The following PTPN13 variants were observed in gnomAD, a reference collection of about 807,000 sequenced individuals.
The protein encoded by PTPN13 is protein tyrosine phosphatase non-receptor type 13.
In PTPN13, 191 loss-of-function variants were observed where a neutral mutation model predicts 284.0. That is an observed-to-expected ratio of 0.67 (90% confidence interval 0.60 to 0.76). The LOEUF (loss-of-function observed/expected upper bound fraction) is 0.76. Ranked by LOEUF, PTPN13 falls within the 30% of genes least tolerant of loss-of-function variation. PTPN13 has a pLI of 0.00. For missense variants in PTPN13, 2,797 were observed against 2,939.9 expected (o/e 0.95, Z 1.12); for synonymous variants, 986 against 1,022.3 (o/e 0.96, Z 0.68).
At chr4:86,684,727 G>T (rs1729255643) in intron 3 of PTPN13, among the ~76,000 whole-genome samples, 1 of 152,096 alleles carries the variant, frequency 6.6e-6, no homozygotes, top group Non-Finnish European at 1.5e-5. Context: ...TGAAAAAATA[G>T]GAGCCGAGTA....
chr4:86,778,790 T>G (rs1380547809), intron 35 of PTPN13, among the ~76,000 whole-genome samples: 1 of 152,124 alleles, frequency 6.6e-6, no homozygotes, highest in Admixed American at 6.6e-5. Flanking sequence ...AATTTACAGA[T>G]TTTTTTAACG....
intron 1 of PTPN13, among the ~76,000 whole-genome samples, chr4:86,598,231 G>C (rs1258693218): frequency 1.3e-5 from 2 of 151,278 alleles, no homozygotes; most frequent in African/African-American, 2.4e-5. Flanking sequence ...CTCTGCCCCC[G>C]ATCCTGGGTT....
intron 3 of PTPN13, among the ~76,000 whole-genome samples, chr4:86,678,226 A>G (rs1490221763): frequency 1.3e-5 from 2 of 152,206 alleles, no homozygotes; most frequent in Non-Finnish European, 2.9e-5. Flanking sequence ...AGCTTTAAAA[A>G]TAATTTTGGA....
At chr4:86,761,095 C>T (rs1351174800) in intron 23 of PTPN13, among the ~76,000 whole-genome samples, 1 of 141,660 alleles carries the variant, frequency 7.1e-6, no homozygotes, top group African/African-American at 2.6e-5. Flanking sequence ...TACATGTAGC[C>T]TTCTGTGTAG....
chr4:86,673,997 G>A (rs1246990040), intron 3 of PTPN13, among the ~76,000 whole-genome samples: 9 of 152,142 alleles, frequency 5.9e-5, no homozygotes, highest in African/African-American at 1.9e-4. Context: ...GTGAGCCGCC[G>A]TGCCTGGCCA....
intron 17 of PTPN13, among the ~76,000 whole-genome samples, chr4:86,750,215 A>G (rs1737229682): frequency 6.6e-6 from 1 of 152,206 alleles, no homozygotes; most frequent in Non-Finnish European, 1.5e-5. Flanking sequence ...GTTGAGTCCA[A>G]GAAAATCATT....
chr4:86,758,057 G>A (rs948982347), intron 20 of PTPN13, among the ~76,000 whole-genome samples: 6 of 152,028 alleles, frequency 3.9e-5, no homozygotes. Flanking sequence ...AGCTTATGAA[G>A]AATAAATGTA....
intron 14 of PTPN13, 88 bp from the exon 15 acceptor site, chr4:86,735,506 A>G: frequency 1.4e-6 from 2 of 1,418,332 alleles, no homozygotes; most frequent in East Asian, 4.6e-5. Context: ...TTCATCTCTT[A>G]GCCAAAGCAA....
intron 37 of PTPN13, among the ~76,000 whole-genome samples, chr4:86,783,938 G>A (rs1233640474): frequency 2.0e-5 from 3 of 151,698 alleles, no homozygotes; most frequent in Non-Finnish European, 4.4e-5. Flanking sequence ...ACTTAGACTA[G>A]ATTTGAAAAT....
At chr4:86,730,828 C>T (rs763139500) in intron 10 of PTPN13, among the ~76,000 whole-genome samples, 11 of 152,116 alleles carry the variant, frequency 7.2e-5, no homozygotes, top group Non-Finnish European at 1.2e-4. Flanking sequence ...CCAACCAGTC[C>T]CTGTGAGATG....
intron 1 of PTPN13, among the ~76,000 whole-genome samples, chr4:86,613,841 G>A (rs56920198): frequency 2.0e-5 from 3 of 152,036 alleles, no homozygotes; most frequent in African/African-American, 4.8e-5. Flanking sequence ...ACTACATTCT[G>A]TCTCAGTACC....
Position 86,706,745 on chromosome 4 carries a change from G to A in PTPN13, c.1195+4944G>A, listed in dbSNP as rs80239500. On this transcript the variant is annotated intron_variant, in intron 7 of 47. Coordinates refer to ENST00000411767, the MANE Select transcript of PTPN13 (RefSeq NM_080683.3). The stretch of plus-strand genomic sequence containing the variant: ...ATTATAAATAGAAGATTATTACTGC[G>A]ATTATTAAGTTAACTTTTCAGATAG... Among the ~76,000 whole-genome samples, 361 of 152,274 alleles carry A rather than the reference G, an allele frequency of 2.4e-3. 4 individuals are homozygous for A. Among genetic ancestry groups the A allele is most frequent in the African/African-American group, 8.3e-3 (346 of 41,560 alleles).
intron 1 of PTPN13, among the ~76,000 whole-genome samples, chr4:86,609,470 C>G (rs749859940): frequency 1.3e-5 from 2 of 152,044 alleles, no homozygotes; most frequent in Non-Finnish European, 2.9e-5. Context: ...GTAATGTCAC[C>G]GAAGCCAGGA....
At chr4:86,725,862 C>G (rs188016248) in intron 10 of PTPN13, among the ~76,000 whole-genome samples, 1 of 149,696 alleles carries the variant, frequency 6.7e-6, no homozygotes, top group East Asian at 1.9e-4. Flanking sequence ...GTTGCCATTG[C>G]TTTTGGTGTG....
chr4:86,703,699 T>G (rs1026855466), intron 7 of PTPN13, among the ~76,000 whole-genome samples: 1 of 151,922 alleles, frequency 6.6e-6, no homozygotes, highest in Non-Finnish European at 1.5e-5. Context: ...AGACCTCATA[T>G]CTACAAAAAA....
chr4:86,779,590 T>G (rs1741060948), intron 35 of PTPN13, among the ~76,000 whole-genome samples: 2 of 152,132 alleles, frequency 1.3e-5, no homozygotes, highest in African/African-American at 4.8e-5. Context: ...CCTTCATGGT[T>G]GCACACTGCA....
At chr4:86,596,302 T>C (rs1392750263) in intron 1 of PTPN13, among the ~76,000 whole-genome samples, 2 of 152,238 alleles carry the variant, frequency 1.3e-5, no homozygotes, top group East Asian at 3.8e-4. Context: ...TCTTTGAATT[T>C]GCATTTGTCC....
chr4:86,636,867 T>C (rs1191377810), intron 2 of PTPN13, among the ~76,000 whole-genome samples: 3 of 151,856 alleles, frequency 2.0e-5, no homozygotes, highest in Non-Finnish European at 4.4e-5. Flanking sequence ...AAAAAACCCT[T>C]CAAAAAATTA....
chr4:86,641,309 A>T (rs1365918447), intron 2 of PTPN13, among the ~76,000 whole-genome samples: 1 of 151,968 alleles, frequency 6.6e-6, no homozygotes, highest in Non-Finnish European at 1.5e-5. Context: ...GTGTTTTTTT[A>T]AAATGCTTTC....
Sources: allele counts gnomAD v4.1 joint callset (sites outside exome capture counted in the v4.1 genomes callset), GRCh38; gene constraint gnomAD v4.1.1; transcripts MANE v1.5; gene names NCBI Gene and HGNC (gene_info 2026-07-23, HGNC 2026-07-21).